Variants in NT5C2 observed in about 807,000 individuals in gnomAD.
NT5C2 encodes 5'-nucleotidase, cytosolic II, also known as cytosolic purine 5'-nucleotidase.
NT5C2 carries 58 observed loss-of-function variants against 76.1 expected under a neutral mutation model. The ratio of observed to expected loss-of-function variants is 0.76; its 90% confidence interval spans 0.62 to 0.95. NT5C2 has a LOEUF of 0.95. NT5C2 is among the 40% of genes least tolerant of loss of function. NT5C2 has a pLI of 0.00. For missense variants in NT5C2, 478 were observed against 690.3 expected (o/e 0.69, Z 3.45); for synonymous variants, 229 against 237.4 (o/e 0.96, Z 0.32).
At chr10:103,093,617 C>T (rs1438027259) in intron 14 of NT5C2, 1 of 359,124 alleles carries the variant, frequency 2.8e-6, no homozygotes, top group Non-Finnish European at 5.0e-6. Flanking sequence ...GCTGGCTTTA[C>T]TCAACTGTTT....
chr10:103,093,002 G>A (rs2067307473), intron 15 of NT5C2, 137 bp downstream of exon 15: 1 of 530,780 alleles, frequency 1.9e-6, no homozygotes, highest in Non-Finnish European at 3.1e-6. Context: ...TCTATGGGAA[G>A]GAAGTATCCA....
At chr10:103,170,125 T>A (rs1056082530) in intron 3 of NT5C2, among the ~76,000 whole-genome samples, 1 of 151,966 alleles carries the variant, frequency 6.6e-6, no homozygotes, top group Non-Finnish European at 1.5e-5. Flanking sequence ...AGACTCTGTC[T>A]CAAAAAAAAT....
chr10:103,120,569 C>T (rs534327202), intron 4 of NT5C2, among the ~76,000 whole-genome samples: 1 of 152,234 alleles, frequency 6.6e-6, no homozygotes, highest in Non-Finnish European at 1.5e-5. Context: ...GAAATCAAAA[C>T]CATAAGATAC....
At chr10:103,118,952 G>A (rs1442789527) in intron 4 of NT5C2, among the ~76,000 whole-genome samples, 1 of 151,992 alleles carries the variant, frequency 6.6e-6, no homozygotes. Context: ...TAAGAAAAAA[G>A]ATCACTAAGG....
At position 103,127,137 on chromosome 10, in the gene NT5C2, C is replaced by G. The variant is rs143679649; in HGVS notation, c.175+12269G>C. 1.7e-4 allele frequency among the ~76,000 whole-genome samples: 26 copies of G among 152,264 alleles called. No individual in the cohort carries two copies. The East Asian group carries it at 4.2e-3, about 25-fold the overall frequency. ...AGCTGCTGTATTATTCAAGGGTTAA[C>G]TGTAGTTAAAGCATAATTAATGTAC... On this transcript the variant is annotated intron_variant, in intron 4 of 18. Coordinates refer to ENST00000404739, the MANE Select transcript of NT5C2 (RefSeq NM_001351169.2).
intron 16 of NT5C2, among the ~76,000 whole-genome samples, chr10:103,091,227 G>A (rs551716727): frequency 3.3e-5 from 5 of 152,098 alleles, no homozygotes; most frequent in South Asian, 2.1e-4. Flanking sequence ...GTAGAGATGG[G>A]GTTTCGTTTG....
At chr10:103,125,178 T>A (rs1446015928) in intron 4 of NT5C2, 8 of 621,188 alleles carry the variant, frequency 1.3e-5, no homozygotes. Flanking sequence ...ACATCAAATC[T>A]GGGACTCATC....
chr10:103,188,123 G>A (rs1434457775), intron 1 of NT5C2, among the ~76,000 whole-genome samples: 3 of 152,200 alleles, frequency 2.0e-5, no homozygotes, highest in South Asian at 2.1e-4. Flanking sequence ...TTGGGAGGCC[G>A]AGGCAGGTGG....
At chr10:103,111,737 G>T in intron 4 of NT5C2, 1 of 1,231,680 alleles carries the variant, frequency 8.1e-7, no homozygotes, top group African/African-American at 1.5e-5. Context: ...GCCAAAATGA[G>T]AACTCACATG....
intron 3 of NT5C2, among the ~76,000 whole-genome samples, chr10:103,162,185 T>G (rs572182535): frequency 1.4e-4 from 21 of 151,958 alleles, no homozygotes; most frequent in Admixed American, 1.1e-3. Context: ...CCAGCAAATT[T>G]TTGTATTTTT....
intron 4 of NT5C2, among the ~76,000 whole-genome samples, chr10:103,129,611 C>T (rs1274833094): frequency 8.4e-5 from 8 of 94,882 alleles, no homozygotes; most frequent in South Asian, 3.5e-4. Flanking sequence ...CCGCCCCGTC[C>T]GGGAGGGAGG....
intron 1 of NT5C2, among the ~76,000 whole-genome samples, chr10:103,185,753 T>C (rs2091942038): frequency 6.6e-6 from 1 of 151,958 alleles, no homozygotes; most frequent in African/African-American, 2.4e-5. Flanking sequence ...CCATTCAACT[T>C]TGGTTTAGCT....
intron 4 of NT5C2, among the ~76,000 whole-genome samples, chr10:103,129,288 G>A (rs1222881257): frequency 1.0e-4 from 12 of 114,774 alleles, no homozygotes; most frequent in South Asian, 3.2e-4. Flanking sequence ...CGCCCCGTCC[G>A]GGAGGGAGGT....
chr10:103,182,892 C>G (rs962501319), intron 1 of NT5C2, among the ~76,000 whole-genome samples: 2 of 152,026 alleles, frequency 1.3e-5, no homozygotes, highest in Non-Finnish European at 2.9e-5. Flanking sequence ...TACTAAATAG[C>G]CACATTTTAT....
chr10:103,091,055 A>AAGAC, intron 16 of NT5C2, 59 bp from the exon 17 acceptor site: 2 of 1,465,550 alleles, frequency 1.4e-6, no homozygotes, highest in South Asian at 1.1e-5. Context: ...TTTATTCTTT[A>AAGAC]AGACAGTCTC....
chr10:103,125,333 C>T (rs934856465), intron 4 of NT5C2: 12 of 444,450 alleles, frequency 2.7e-5, no homozygotes, highest in Non-Finnish European at 5.0e-5. Context: ...TGGAGCACAG[C>T]CTAGTAAGAA....
At chr10:103,094,739 G>A (rs1021007480) in intron 12 of NT5C2, among the ~76,000 whole-genome samples, 6 of 151,936 alleles carry the variant, frequency 3.9e-5, no homozygotes, top group South Asian at 4.1e-4. Context: ...AAAATTAGCC[G>A]GGCGTGGTGG....
intron 4 of NT5C2, among the ~76,000 whole-genome samples, chr10:103,108,186 G>A (rs2071902429): frequency 6.6e-6 from 1 of 151,888 alleles, no homozygotes; most frequent in Non-Finnish European, 1.5e-5. Flanking sequence ...AGAAAATGTT[G>A]CTCCTTTAAA....
chr10:103,122,278 A>C (rs1214375485), intron 4 of NT5C2, among the ~76,000 whole-genome samples: 1 of 152,244 alleles, frequency 6.6e-6, no homozygotes, highest in Non-Finnish European at 1.5e-5. Context: ...CAAAAGAAAA[A>C]CTGTGTTTTA....
Sources: gnomAD v4.1 joint callset for allele counts (sites outside exome capture counted in the v4.1 genomes callset) on GRCh38, gnomAD v4.1.1 for gene constraint, MANE v1.5 for transcripts, NCBI Gene and HGNC (gene_info 2026-07-23, HGNC 2026-07-21) for gene names.